The following TUSC3 variants were observed in gnomAD, a reference collection of about 807,000 sequenced individuals.
TUSC3 encodes tumor suppressor candidate 3.
Under a neutral mutation model 44.8 loss-of-function variants are expected in TUSC3, and 45 were observed. The ratio of observed to expected loss-of-function variants is 1.00; its 90% CI spans 0.79 to 1.29. The LOEUF is 1.29. Ranked by LOEUF, TUSC3 falls within the 50% of genes most tolerant of loss-of-function variation. The pLI is 0.00. For synonymous variants in TUSC3, 212 were observed against 152.9 expected (o/e 1.39, Z -2.85); for missense variants, 519 against 437.9 (o/e 1.19, Z -1.65).
chr8:15,591,948 GGAA>G (rs1202062882), intron 1 of TUSC3, among the ~76,000 whole-genome samples: 1 of 152,172 alleles, frequency 6.6e-6, no homozygotes, highest in African/African-American at 2.4e-5. Context: ...CTAATGCAGA[GGAA>G]GAATGGGAGA....
intron 1 of TUSC3, among the ~76,000 whole-genome samples, chr8:15,581,990 G>A (rs372725199): frequency 1.3e-5 from 2 of 151,730 alleles, no homozygotes; most frequent in Non-Finnish European, 1.5e-5. Flanking sequence ...CTCTGAGCCA[G>A]GTGTGGGATA....
chr8:15,714,093 A>T (rs1042266658), intron 6 of TUSC3, among the ~76,000 whole-genome samples: 15 of 152,064 alleles, frequency 9.9e-5, no homozygotes, highest in African/African-American at 2.9e-4. Context: ...AGTAACATCT[A>T]CCTCTTTACT....
At chr8:15,773,563 G>A in the TUSC3 span, among the ~76,000 whole-genome samples, 1 of 152,026 alleles carries the variant, frequency 6.6e-6, no homozygotes, top group Non-Finnish European at 1.5e-5. Flanking sequence ...ATAATCCAGT[G>A]GCCTTTTTGC....
intron 6 of TUSC3, among the ~76,000 whole-genome samples, chr8:15,725,672 G>A (rs1021748651): frequency 1.3e-5 from 2 of 152,024 alleles, no homozygotes; most frequent in Non-Finnish European, 2.9e-5. Flanking sequence ...TCAGGCATTA[G>A]GCCATTTTAC....
intron 1 of TUSC3, among the ~76,000 whole-genome samples, chr8:15,437,126 G>T (rs1289909651): frequency 6.6e-6 from 1 of 152,088 alleles, no homozygotes; most frequent in Non-Finnish European, 1.5e-5. Flanking sequence ...GACCTGAAAA[G>T]TTCTGTTTCC....
intron 2 of TUSC3, among the ~76,000 whole-genome samples, chr8:15,515,499 C>T (rs986836610): frequency 9.2e-5 from 14 of 151,988 alleles, no homozygotes; most frequent in African/African-American, 2.2e-4. Flanking sequence ...AAATGACTGA[C>T]GGTAGCAAAT....
At chr8:15,619,584 T>G (rs1037923540) in intron 1 of TUSC3, among the ~76,000 whole-genome samples, 4 of 152,066 alleles carry the variant, frequency 2.6e-5, no homozygotes, top group Non-Finnish European at 5.9e-5. Flanking sequence ...CTCCACTTCC[T>G]GGGTTCACGC....
At chr8:15,734,175 C>A (rs891187221) in intron 7 of TUSC3, among the ~76,000 whole-genome samples, 1 of 152,038 alleles carries the variant, frequency 6.6e-6, no homozygotes, top group Non-Finnish European at 1.5e-5. Flanking sequence ...TTACAAATAC[C>A]AGATGATTAC....
the TUSC3 span, among the ~76,000 whole-genome samples, chr8:15,850,427 A>G: frequency 1.3e-5 from 2 of 152,154 alleles, 1 homozygote; most frequent in Admixed American, 1.3e-4. Context: ...TGACTTGCTG[A>G]CATTTATATA....
At chr8:15,488,894 A>G (rs1459231790) in intron 2 of TUSC3, among the ~76,000 whole-genome samples, 1 of 152,224 alleles carries the variant, frequency 6.6e-6, no homozygotes, top group Non-Finnish European at 1.5e-5. Flanking sequence ...CAAATTGACT[A>G]AAACAGTCAT....
At chr8:15,638,268 T>A (rs1585179964) in intron 2 of TUSC3, among the ~76,000 whole-genome samples, 1 of 152,136 alleles carries the variant, frequency 6.6e-6, no homozygotes, top group Non-Finnish European at 1.5e-5. Flanking sequence ...TTATAAATGT[T>A]AATTTCCTCA....
intron 2 of TUSC3, among the ~76,000 whole-genome samples, chr8:15,492,797 G>GT (rs1800825405): frequency 6.7e-6 from 1 of 150,190 alleles, no homozygotes; most frequent in African/African-American, 2.4e-5. Flanking sequence ...AAAAAAAAGT[G>GT]TAATAATATG....
rs771171408 is a variant in TUSC3, at chr8:15,739,700, C to T, written c.863-3838C>T. On this transcript the variant is annotated intron_variant, in intron 7 of 10. Coordinates refer to ENST00000503731, the MANE Select transcript of TUSC3 (RefSeq NM_006765.4). Reference sequence around the variant, plus strand: ...GAGTAGTAAAATGTATTTGAATGCTCTGTGCTTTATGAAGAAGATTTTTAT... The same window carrying T: ...GAGTAGTAAAATGTATTTGAATGCTTTGTGCTTTATGAAGAAGATTTTTAT... Among the ~76,000 whole-genome samples, 5 of 152,242 alleles carry T rather than the reference C, an allele frequency of 3.3e-5. No homozygotes were observed. In the East Asian group the frequency reaches 9.6e-4, roughly 29 times the overall value.
chr8:15,701,327 A>G (rs1019127431), intron 6 of TUSC3, among the ~76,000 whole-genome samples: 2 of 152,174 alleles, frequency 1.3e-5, no homozygotes, highest in Non-Finnish European at 2.9e-5. Context: ...CCTATGCTTG[A>G]AGTTCCCATA....
chr8:15,549,951 C>G (rs979397906), intron 1 of TUSC3, among the ~76,000 whole-genome samples: 2 of 151,578 alleles, frequency 1.3e-5, no homozygotes, highest in African/African-American at 2.4e-5. Flanking sequence ...CCGAGCTCCC[C>G]GAGTGGGCAA....
At chr8:15,712,030 C>T (rs1037708884) in intron 6 of TUSC3, among the ~76,000 whole-genome samples, 2 of 151,842 alleles carry the variant, frequency 1.3e-5, no homozygotes, top group African/African-American at 4.8e-5. Context: ...AGAAAACATA[C>T]TAAATTGCTG....
chr8:15,547,724 T>G (rs1801922693), intron 1 of TUSC3, among the ~76,000 whole-genome samples: 1 of 151,338 alleles, frequency 6.6e-6, no homozygotes, highest in Non-Finnish European at 1.5e-5. Context: ...TGAATTAGAT[T>G]AGTGCCCTTA....
intron 9 of TUSC3, among the ~76,000 whole-genome samples, chr8:15,755,737 GAAA>G (rs551082933): frequency 6.8e-6 from 1 of 146,298 alleles, no homozygotes. Context: ...CTTAAAAAAA[GAAA>G]AAAAAAAGTA....
At chr8:15,678,424 A>G (rs2129184794) in intron 6 of TUSC3, among the ~76,000 whole-genome samples, 1 of 152,246 alleles carries the variant, frequency 6.6e-6, no homozygotes, top group African/African-American at 2.4e-5. Context: ...AAAGGAGAGG[A>G]AAAAAATAAT....
Sources: gnomAD v4.1 joint callset for allele counts (sites outside exome capture counted in the v4.1 genomes callset) on GRCh38, gnomAD v4.1.1 for gene constraint, MANE v1.5 for transcripts, NCBI Gene and HGNC (gene_info 2026-07-23, HGNC 2026-07-21) for gene names.